TMOD3: variants seen among roughly 807,000 people sequenced by gnomAD.
TMOD3 encodes the protein tropomodulin-3.
TMOD3 carries 20 observed loss-of-function variants against 39.2 expected under a neutral mutation model. That is an observed-to-expected ratio of 0.51 (90% CI 0.36 to 0.74). The LOEUF (loss-of-function observed/expected upper bound fraction) is 0.74. Among genes scored for constraint, TMOD3 ranks in the 30% least tolerant of loss-of-function variants. TMOD3 has a pLI of 0.00. For missense variants in TMOD3, 381 were observed against 412.8 expected (o/e 0.92, Z 0.67); for synonymous variants, 143 against 145.8 (o/e 0.98, Z 0.14).
chr15:51,888,607 C>G (rs558889712), intron 4 of TMOD3, among the ~76,000 whole-genome samples: 8 of 152,250 alleles, frequency 5.3e-5, no homozygotes, highest in African/African-American at 1.9e-4. Context: ...CTTTAGTATT[C>G]TACTCTTAAC....
chr15:51,889,753 C>T (rs2056582988), intron 5 of TMOD3, among the ~76,000 whole-genome samples: 1 of 152,088 alleles, frequency 6.6e-6, no homozygotes, highest in Non-Finnish European at 1.5e-5. Context: ...CTAGTCTCAG[C>T]TACTTGGGAG....
At chr15:51,902,806 C>T (rs1342686951) in intron 9 of TMOD3, among the ~76,000 whole-genome samples, 1 of 152,042 alleles carries the variant, frequency 6.6e-6, no homozygotes, top group Non-Finnish European at 1.5e-5. Flanking sequence ...CCCGCCACCT[C>T]GCCCGGCTAA....
intron 3 of TMOD3, among the ~76,000 whole-genome samples, chr15:51,871,785 T>C (rs2056476186): frequency 7.0e-6 from 1 of 142,632 alleles, no homozygotes; most frequent in Non-Finnish European, 1.5e-5. Context: ...ATCTTTGTCC[T>C]CCTATGTATC....
chr15:51,868,993 A>T (rs1413248891), intron 2 of TMOD3, among the ~76,000 whole-genome samples: 3 of 152,196 alleles, frequency 2.0e-5, no homozygotes, highest in African/African-American at 7.2e-5. Flanking sequence ...AACTGTACTA[A>T]TGTATGTGCC....
intron 9 of TMOD3, among the ~76,000 whole-genome samples, chr15:51,908,517 C>A (rs1162204163): frequency 6.6e-6 from 1 of 151,864 alleles, no homozygotes; most frequent in African/African-American, 2.4e-5. Flanking sequence ...GTAAGCACAG[C>A]TATGAGTCAT....
intron 3 of TMOD3, among the ~76,000 whole-genome samples, chr15:51,881,550 C>CTTTTTTTTTTTTTTT (rs753814979): frequency 1.6e-4 from 10 of 61,826 alleles, no homozygotes; most frequent in East Asian, 6.3e-4. Context: ...TTCTTTATTT[C>CTTTTTTTTTTTTTTT]TTTTTTTTTT....
intron 3 of TMOD3, among the ~76,000 whole-genome samples, chr15:51,871,199 G>A (rs1244522553): frequency 6.6e-6 from 1 of 152,174 alleles, no homozygotes; most frequent in Non-Finnish European, 1.5e-5. Context: ...TTTGGGGCCA[G>A]AAAAAGAGTT....
At chr15:51,842,446 ATC>A (rs1015394997) in intron 1 of TMOD3, among the ~76,000 whole-genome samples, 1 of 152,176 alleles carries the variant, frequency 6.6e-6, no homozygotes, top group African/African-American at 2.4e-5. Context: ...TGTGTAAGTC[ATC>A]TTGCCCTTTC....
rs755642882 is a variant in TMOD3, at chr15:51,900,203, G to A, written c.784G>A (p.Val262Met). 1.1e-5 allele frequency: 17 copies of A among 1,614,138 alleles called. No homozygotes were observed. The highest frequency in any genetic ancestry group is 1.4e-5 in the Non-Finnish European group (17 of 1,180,060). Residue 262 changes from valine to methionine, a missense_variant, in exon 8 of 10, where the codon GTG (valine) becomes ATG (methionine). By Grantham distance (21) the Val-to-Met change is conservative. Transcript: ENST00000308580. Reference sequence around the variant, plus strand: ...GAACAAAACTTTGAAGAGCTTAAATGTGGAGTCCAACTTTATCACGGGAGT... The same window carrying A: ...GAACAAAACTTTGAAGAGCTTAAATATGGAGTCCAACTTTATCACGGGAGT... The part of the protein sequence containing the change: ...KVNKTLKSLN[V>M]ESNFITGVGI...
intron 3 of TMOD3, among the ~76,000 whole-genome samples, chr15:51,884,228 T>C (rs1175173162): frequency 6.6e-6 from 1 of 152,206 alleles, no homozygotes; most frequent in East Asian, 1.9e-4. Context: ...GGACTGAAGG[T>C]GATCACCAAA....
Position 51,912,428 on chromosome 15 carries a change from A to C in TMOD3, c.*3618A>C, listed in dbSNP as rs75921468. The C allele has an allele frequency of 9.2e-6, 1 of 109,236 alleles. No homozygotes were observed. The highest frequency in any genetic ancestry group is 2.0e-5 in the Non-Finnish European group (1 of 49,428). The allele number at this position is 109,236 out of a possible 1,614,324, so 6.8% of individuals were successfully genotyped here. ...GGCAACAAGAGTGAAACTCCGTCTC[A>C]AAAAAAAAAAAATTTTTTTTTTTTT... On this transcript the variant is annotated 3_prime_UTR_variant, in exon 10 of 10. Transcript: ENST00000308580.
intron 1 of TMOD3, among the ~76,000 whole-genome samples, chr15:51,845,510 A>G (rs2056331502): frequency 6.6e-6 from 1 of 152,150 alleles, no homozygotes; most frequent in Non-Finnish European, 1.5e-5. Flanking sequence ...GTAATTCCGT[A>G]CTTTGGGAGG....
rs1412056430 is a variant in TMOD3, at chr15:51,909,981, T to A, written c.*1171T>A. On this transcript the variant is annotated 3_prime_UTR_variant, in exon 10 of 10. Coordinates refer to ENST00000308580, the MANE Select transcript of TMOD3 (RefSeq NM_014547.5). ...TCATTTCTATAATAAAAGCAGTCTT[T>A]CTTGCTCAAAGTATTAAGGTGAACA... The A allele has an allele frequency of 6.6e-6, 1 of 152,248 alleles. No homozygotes were observed. Among genetic ancestry groups the A allele is most frequent in the Non-Finnish European group, 1.5e-5 (1 of 68,044 alleles). The allele number at this position is 152,248 out of a possible 1,614,324, so 9.4% of individuals were successfully genotyped here.
At chr15:51,874,002 T>A (rs943774046) in intron 3 of TMOD3, among the ~76,000 whole-genome samples, 1 of 152,216 alleles carries the variant, frequency 6.6e-6, no homozygotes, top group Non-Finnish European at 1.5e-5. Context: ...TTTTCTTATA[T>A]TCTGAGACTG....
rs552644136 is a variant in TMOD3, at chr15:51,910,971, C to T, written c.*2161C>T. 1 of 149,868 alleles carries T rather than the reference C, an allele frequency of 6.7e-6. No homozygotes were observed. Among genetic ancestry groups the T allele is most frequent in the Non-Finnish European group, 1.5e-5 (1 of 67,428 alleles). The allele number at this position is 149,868 out of a possible 1,614,324, so 9.3% of individuals were successfully genotyped here. ...CCTTCTCTATTTACCTATTTCTCTC[C>T]CTCCCTCTCTTCTCCTCTCTTTTTT... On this transcript the variant is annotated 3_prime_UTR_variant, in exon 10 of 10. Transcript: ENST00000308580.
At chr15:51,866,219 C>A (rs1399082485) in intron 2 of TMOD3, among the ~76,000 whole-genome samples, 1 of 152,024 alleles carries the variant, frequency 6.6e-6, no homozygotes, top group East Asian at 1.9e-4. Flanking sequence ...TTTTGGGAGG[C>A]CAAGGAGGGA....
chr15:51,875,765 G>A (rs1024462130), intron 3 of TMOD3, among the ~76,000 whole-genome samples: 10 of 152,030 alleles, frequency 6.6e-5, no homozygotes, highest in Middle Eastern at 3.4e-3. Context: ...ACAGGCAGCC[G>A]CCACCATGCC....
chr15:51,859,367 C>G, intron 1 of TMOD3: 1 of 699,224 alleles, frequency 1.4e-6, no homozygotes, highest in Non-Finnish European at 2.7e-6. Context: ...CAAACTCTCT[C>G]AAAGCCCTCT....
chr15:51,842,472 A>G (rs1485663661), intron 1 of TMOD3, among the ~76,000 whole-genome samples: 4 of 152,134 alleles, frequency 2.6e-5, no homozygotes, highest in Non-Finnish European at 4.4e-5. Flanking sequence ...TTGTGTTCCA[A>G]AAATTGCTTA....
Sources: allele counts gnomAD v4.1 joint callset (sites outside exome capture counted in the v4.1 genomes callset), GRCh38; gene constraint gnomAD v4.1.1; transcripts MANE v1.5; gene names NCBI Gene and HGNC (gene_info 2026-07-23, HGNC 2026-07-21).